Variants in NCKAP5 observed in about 807,000 individuals in gnomAD.
The protein encoded by NCKAP5 is NCK associated protein 5, also known as nck-associated protein 5.
NCKAP5 carries 92 observed loss-of-function variants against 167.0 expected under a neutral mutation model. The observed-to-expected ratio is 0.55, with a 90% CI of 0.47 to 0.66. NCKAP5 has a LOEUF of 0.66. Among genes scored for constraint, NCKAP5 ranks in the 30% least tolerant of loss-of-function variants. The pLI is 0.00. For synonymous variants in NCKAP5, 891 were observed against 877.4 expected, an observed-to-expected ratio of 1.02 and a Z score of -0.27; for missense variants, 2,378 against 2,315.0, an observed-to-expected ratio of 1.03 and a Z score of -0.56.
At chr2:133,422,977 C>G (rs1561018) in intron 3 of NCKAP5, among the ~76,000 whole-genome samples, 33,489 of 151,916 alleles carry the variant, frequency 0.22, 3,891 homozygotes, top group Non-Finnish European at 0.25. Context: ...AAGAGGCTGC[C>G]ACGGAAAGTC....
chr2:133,302,740 C>T (rs1469946278), intron 4 of NCKAP5, among the ~76,000 whole-genome samples: 5 of 147,020 alleles, frequency 3.4e-5, no homozygotes, highest in African/African-American at 5.0e-5. Context: ...ATGTAACTAA[C>T]CTGCACAATG....
chr2:133,604,570 G>A, the NCKAP5 span, among the ~76,000 whole-genome samples: 3 of 151,996 alleles, frequency 2.0e-5, no homozygotes, highest in African/African-American at 4.8e-5. Context: ...CTTTCCCCTT[G>A]TCTTACTGTA....
intron 3 of NCKAP5, among the ~76,000 whole-genome samples, chr2:133,352,653 G>A: frequency 6.6e-6 from 1 of 152,174 alleles, no homozygotes; most frequent in Middle Eastern, 3.2e-3. Flanking sequence ...GGGGATGGGT[G>A]GACTGAGGGC....
At chr2:132,687,213 T>C (rs193062133) in intron 19 of NCKAP5, among the ~76,000 whole-genome samples, 48 of 152,254 alleles carry the variant, frequency 3.2e-4, no homozygotes, top group African/African-American at 9.4e-4. Flanking sequence ...ATCCCTAAAA[T>C]AATGAAGGAC....
At chr2:132,733,893 G>A (rs763978379) in intron 16 of NCKAP5, among the ~76,000 whole-genome samples, 1 of 152,154 alleles carries the variant, frequency 6.6e-6, no homozygotes, top group African/African-American at 2.4e-5. Flanking sequence ...GGAAGATGAA[G>A]TCCCTACTCA....
chr2:132,899,612 T>G (rs1489401338), intron 8 of NCKAP5, among the ~76,000 whole-genome samples: 1 of 152,242 alleles, frequency 6.6e-6, no homozygotes, highest in Admixed American at 6.5e-5. Flanking sequence ...CAGTGGCTCA[T>G]GCCTATAATC....
chr2:133,108,395 T>C lies in NCKAP5; in HGVS notation c.341+21583A>G, dbSNP rs552063378. ...GAGTCCCTTGAGAGACTAAGAACCA[T>C]GCTCCTACATCTCCTTAACTCTTTC... On this transcript the variant is annotated intron_variant, in intron 6 of 19. Transcript: ENST00000409261. 5.3e-5 allele frequency among the ~76,000 whole-genome samples: 8 copies of C among 152,210 alleles called. No homozygotes were observed. The South Asian group carries it at 6.2e-4, about 12-fold the overall frequency.
intron 14 of NCKAP5, among the ~76,000 whole-genome samples, chr2:132,781,686 T>C (rs890460265): frequency 3.3e-5 from 5 of 152,222 alleles, no homozygotes; most frequent in Non-Finnish European, 7.3e-5. Flanking sequence ...TCAACCCTGA[T>C]AAAACTTACC....
intron 4 of NCKAP5, among the ~76,000 whole-genome samples, chr2:133,284,318 T>C (rs1012268107): frequency 6.6e-6 from 1 of 152,142 alleles, no homozygotes; most frequent in Admixed American, 6.5e-5. Context: ...ATTAAGTTGA[T>C]GGAACTCTTT....
chr2:133,576,715 T>G, the NCKAP5 span, among the ~76,000 whole-genome samples: 1 of 152,168 alleles, frequency 6.6e-6, no homozygotes, highest in Non-Finnish European at 1.5e-5. Flanking sequence ...TGTACAGAAC[T>G]GGAAAAGTTA....
chr2:133,160,445 T>C (rs987556821), intron 5 of NCKAP5, among the ~76,000 whole-genome samples: 2 of 150,804 alleles, frequency 1.3e-5, no homozygotes, highest in Non-Finnish European at 3.0e-5. Context: ...TTTTCTTTTT[T>C]TTTTTTTTAG....
intron 7 of NCKAP5, among the ~76,000 whole-genome samples, chr2:132,986,785 C>T (rs1053745747): frequency 6.6e-6 from 1 of 152,058 alleles, no homozygotes; most frequent in Admixed American, 6.6e-5. Context: ...TAAATCATTA[C>T]AAGGAAAGAA....
intron 13 of NCKAP5, among the ~76,000 whole-genome samples, chr2:132,786,661 A>G (rs907377054): frequency 3.3e-5 from 5 of 151,198 alleles, no homozygotes; most frequent in Admixed American, 3.3e-4. Context: ...GGAAGGGGGA[A>G]AAAAAAAAGC....
intron 6 of NCKAP5, among the ~76,000 whole-genome samples, chr2:133,088,540 A>G (rs2081070444): frequency 6.6e-6 from 1 of 152,154 alleles, no homozygotes; most frequent in African/African-American, 2.4e-5. Context: ...ACCCAGAGAG[A>G]GAATGCTGCC....
intron 11 of NCKAP5, among the ~76,000 whole-genome samples, chr2:132,830,390 A>C (rs981371914): frequency 1.4e-5 from 2 of 147,676 alleles, no homozygotes; most frequent in Non-Finnish European, 3.0e-5. Context: ...CTAAGGACAG[A>C]CTGTTGCTTG....
chr2:133,211,155 T>G (rs907383281), intron 5 of NCKAP5, among the ~76,000 whole-genome samples: 1 of 151,870 alleles, frequency 6.6e-6, no homozygotes, highest in African/African-American at 2.4e-5. Flanking sequence ...GACATCCCCA[T>G]GGTAAAAACT....
chr2:133,351,174 T>A (rs899138480), intron 3 of NCKAP5, among the ~76,000 whole-genome samples: 1 of 152,104 alleles, frequency 6.6e-6, no homozygotes, highest in Non-Finnish European at 1.5e-5. Context: ...GACAGCTTAG[T>A]TGATGGGTTC....
Position 133,143,180 on chromosome 2 carries a change from A to C in NCKAP5, c.208-13069T>G, listed in dbSNP as rs917855458. Among the ~76,000 whole-genome samples, 11 of 152,222 alleles carry C rather than the reference A, an allele frequency of 7.2e-5. No individual in the cohort carries two copies. The Middle Eastern group carries it at 0.014, about 188-fold the overall frequency. ...ATAGGCTAAGACTCTATTTATGATC[A>C]AAGAATCAGATTCAACATGCACAAA... On this transcript the variant is annotated intron_variant, in intron 5 of 19. Transcript: ENST00000409261.
At chr2:132,764,502 C>T (rs1181003926) in intron 16 of NCKAP5, among the ~76,000 whole-genome samples, 2 of 152,176 alleles carry the variant, frequency 1.3e-5, no homozygotes, top group Non-Finnish European at 2.9e-5. Context: ...AGCTACTAAT[C>T]TACAGTACCT....
Sources: allele counts gnomAD v4.1 joint callset (sites outside exome capture counted in the v4.1 genomes callset), GRCh38; gene constraint gnomAD v4.1.1; transcripts MANE v1.5; gene names NCBI Gene and HGNC (gene_info 2026-07-23, HGNC 2026-07-21).